The following CCDC141 variants were observed in gnomAD, a reference collection of about 807,000 sequenced individuals.
CCDC141 encodes the protein coiled-coil domain-containing protein 141.
Under a neutral mutation model 181.0 loss-of-function variants are expected in CCDC141, and 168 were observed. The observed-to-expected ratio is 0.93, with a 90% confidence interval of 0.82 to 1.05. The LOEUF is 1.05. Among genes scored for constraint, CCDC141 ranks in the 50% least tolerant of loss-of-function variants. CCDC141 has a pLI of 0.00. For synonymous variants in CCDC141, 666 were observed against 642.3 expected (o/e 1.04, Z -0.56); for missense variants, 1,902 against 1,788.5 (o/e 1.06, Z -1.14).
chr2:179,000,184 G>A lies in CCDC141; in HGVS notation c.226-21509C>T, dbSNP rs550705873. Reference sequence around the variant, plus strand: ...CCTGCCATCTGTTTTTGTATGGCCTGTAAGGTAAGAATGGCTTTTGCATTT... The same window carrying A: ...CCTGCCATCTGTTTTTGTATGGCCTATAAGGTAAGAATGGCTTTTGCATTT... On this transcript the variant is annotated intron_variant, in intron 2 of 23. Transcript: ENST00000443758. 8.6e-5 allele frequency among the ~76,000 whole-genome samples: 13 copies of A among 152,012 alleles called. 1 individual carries two copies. The South Asian group carries it at 2.7e-3, about 32-fold the overall frequency.
intron 2 of CCDC141, among the ~76,000 whole-genome samples, chr2:179,035,346 T>C (rs2043114981): frequency 6.6e-6 from 1 of 152,174 alleles, no homozygotes; most frequent in Admixed American, 6.5e-5. Flanking sequence ...ACTCTTGTTT[T>C]CTTCTGCCTG....
At chr2:178,981,792 T>C (rs547824609) in intron 2 of CCDC141, among the ~76,000 whole-genome samples, 1 of 147,004 alleles carries the variant, frequency 6.8e-6, no homozygotes, top group South Asian at 2.1e-4. Context: ...AAGAAAATAA[T>C]AAAAATTAGA....
chr2:178,948,558 G>A (rs1432218531), intron 5 of CCDC141, among the ~76,000 whole-genome samples: 1 of 152,128 alleles, frequency 6.6e-6, no homozygotes, highest in Non-Finnish European at 1.5e-5. Context: ...CTACAGTTTT[G>A]ATGTGTGTCC....
intron 2 of CCDC141, among the ~76,000 whole-genome samples, chr2:179,004,244 A>G (rs534612571): frequency 6.6e-6 from 1 of 152,284 alleles, no homozygotes; most frequent in South Asian, 2.1e-4. Flanking sequence ...ATTCCTCTCT[A>G]TGCATCCTTG....
chr2:178,817,393 G>T, the CCDC141 span: 1 of 409,386 alleles, frequency 2.4e-6, no homozygotes, highest in East Asian at 7.1e-5. Flanking sequence ...TGAAACTACT[G>T]TTGGTTTAGG....
chr2:179,038,860 T>A (rs2043214908), intron 2 of CCDC141, among the ~76,000 whole-genome samples: 1 of 152,154 alleles, frequency 6.6e-6, no homozygotes. Context: ...CCCAGGAGGT[T>A]TTCTTGACTC....
chr2:179,047,055 GA>G (rs1048744992), intron 2 of CCDC141, among the ~76,000 whole-genome samples: 7 of 152,092 alleles, frequency 4.6e-5, no homozygotes, highest in African/African-American at 1.7e-4. Context: ...TCTCCACAGT[GA>G]AAATATTATC....
chr2:178,897,540 T>C (rs924616421), intron 8 of CCDC141, among the ~76,000 whole-genome samples: 11 of 152,190 alleles, frequency 7.2e-5, no homozygotes, highest in Non-Finnish European at 1.3e-4. Flanking sequence ...TAATGCTTAA[T>C]TAAAGTTACA....
At chr2:178,976,439 A>G (rs1691127116) in intron 3 of CCDC141, among the ~76,000 whole-genome samples, 1 of 152,226 alleles carries the variant, frequency 6.6e-6, no homozygotes, top group African/African-American at 2.4e-5. Flanking sequence ...AAATCCAATT[A>G]TAAGTGAAAC....
At chr2:178,859,495 A>G (rs900558219) in intron 17 of CCDC141, among the ~76,000 whole-genome samples, 2 of 152,124 alleles carry the variant, frequency 1.3e-5, no homozygotes, top group African/African-American at 4.8e-5. Context: ...AGTTGAGCAC[A>G]TAAGTGGAGA....
chr2:178,950,751 C>T (rs562511186), intron 5 of CCDC141, among the ~76,000 whole-genome samples: 2 of 152,186 alleles, frequency 1.3e-5, no homozygotes, highest in East Asian at 3.9e-4. Context: ...TATCAAATCC[C>T]GGTATTCTCT....
At chr2:178,939,397 T>C (rs1689416381) in intron 6 of CCDC141, among the ~76,000 whole-genome samples, 1 of 152,132 alleles carries the variant, frequency 6.6e-6, no homozygotes. Flanking sequence ...GCTGTCTACA[T>C]ACAATAAGGT....
intron 17 of CCDC141, among the ~76,000 whole-genome samples, chr2:178,863,496 G>T (rs1329649367): frequency 6.6e-6 from 1 of 152,280 alleles, no homozygotes; most frequent in Non-Finnish European, 1.5e-5. Flanking sequence ...GACTAATAAT[G>T]ATAACAACGA....
intron 5 of CCDC141, among the ~76,000 whole-genome samples, chr2:178,959,679 A>G (rs1690312582): frequency 6.6e-6 from 1 of 152,178 alleles, no homozygotes; most frequent in African/African-American, 2.4e-5. Flanking sequence ...CAGAAGCAGG[A>G]CAGGAGAAGC....
chr2:179,006,578 G>T (rs532305038), intron 2 of CCDC141, among the ~76,000 whole-genome samples: 1 of 152,270 alleles, frequency 6.6e-6, no homozygotes, highest in East Asian at 1.9e-4. Flanking sequence ...CCATTTGCAA[G>T]GCACAAGGAG....
At chr2:178,939,758 T>G (rs1205923282) in intron 6 of CCDC141, among the ~76,000 whole-genome samples, 1 of 151,466 alleles carries the variant, frequency 6.6e-6, no homozygotes, top group Non-Finnish European at 1.5e-5. Context: ...GTGTGTGTGG[T>G]GGAGGGGGGG....
intron 23 of CCDC141, chr2:178,836,335 C>T (rs1684474529): frequency 6.5e-6 from 1 of 152,706 alleles, no homozygotes; most frequent in Non-Finnish European, 1.5e-5. Context: ...TATTGCCTGT[C>T]ACCTGGAGGA....
At chr2:179,017,601 C>G (rs544185204) in intron 2 of CCDC141, among the ~76,000 whole-genome samples, 72 of 152,178 alleles carry the variant, frequency 4.7e-4, no homozygotes, top group African/African-American at 1.7e-3. Context: ...AAATTAGACA[C>G]TGTCTGAGGT....
At chr2:178,932,701 A>G (rs993890231) in intron 6 of CCDC141, among the ~76,000 whole-genome samples, 27 of 152,126 alleles carry the variant, frequency 1.8e-4, no homozygotes, top group African/African-American at 6.5e-4. Context: ...ATATACACCC[A>G]CATACGGTGT....
Sources: allele counts gnomAD v4.1 joint callset (sites outside exome capture counted in the v4.1 genomes callset), GRCh38; gene constraint gnomAD v4.1.1; transcripts MANE v1.5; gene names NCBI Gene and HGNC (gene_info 2026-07-23, HGNC 2026-07-21).